Variants in RANBP2 observed in about 807,000 individuals in gnomAD.
RANBP2 encodes the protein RAN binding protein 2.
In RANBP2, 57 loss-of-function variants were observed where a neutral mutation model predicts 303.6. The observed-to-expected ratio is 0.19, with a 90% CI of 0.15 to 0.23. RANBP2 has a LOEUF of 0.23. Among genes scored for constraint, RANBP2 ranks in the 10% least tolerant of loss-of-function variants. The probability of loss-of-function intolerance (pLI) is 1.00; values close to 1 mark genes in which losing one functional copy is unlikely to be tolerated. For synonymous variants in RANBP2, 1,167 were observed against 1,301.5 expected (o/e 0.90, Z 2.23); for missense variants, 3,138 against 3,780.8 (o/e 0.83, Z 4.46).
the RANBP2 span, among the ~76,000 whole-genome samples, chr2:109,295,200 G>A: frequency 2.6e-5 from 4 of 152,344 alleles, no homozygotes; most frequent in East Asian, 5.8e-4. Flanking sequence ...AGTGATGAGC[G>A]AGCTCATGGC....
the RANBP2 span, among the ~76,000 whole-genome samples, chr2:109,282,244 A>G: frequency 1.3e-5 from 2 of 152,112 alleles, no homozygotes; most frequent in Admixed American, 6.5e-5. Context: ...ACATTAATGT[A>G]GGGAGATATT....
the RANBP2 span, among the ~76,000 whole-genome samples, chr2:109,469,218 C>G: frequency 6.6e-6 from 1 of 152,228 alleles, no homozygotes; most frequent in Non-Finnish European, 1.5e-5. Context: ...GTGCGCTATC[C>G]CAGAATATTC....
chr2:109,140,648 T>C, the RANBP2 span, among the ~76,000 whole-genome samples: 2 of 152,220 alleles, frequency 1.3e-5, no homozygotes, highest in East Asian at 3.8e-4. Context: ...CCCAAAGTGC[T>C]GGGATTACAG....
chr2:108,722,753 G>T (rs971104554), intron 1 of RANBP2, among the ~76,000 whole-genome samples: 12 of 151,042 alleles, frequency 7.9e-5, no homozygotes, highest in African/African-American at 2.9e-4. Flanking sequence ...TGAGCCGGGC[G>T]TGGTGGCAGC....
chr2:109,219,507 T>G, the RANBP2 span, among the ~76,000 whole-genome samples: 1 of 151,794 alleles, frequency 6.6e-6, no homozygotes, highest in Non-Finnish European at 1.5e-5. Context: ...AAAAAAAAAG[T>G]AAAATTATCT....
At chr2:109,008,109 G>A in the RANBP2 span, among the ~76,000 whole-genome samples, 14 of 152,212 alleles carry the variant, frequency 9.2e-5, no homozygotes, top group African/African-American at 7.2e-5. Context: ...CACACGAAGA[G>A]TTGAGAGTTT....
At chr2:109,119,397 A>G in the RANBP2 span, among the ~76,000 whole-genome samples, 1 of 152,256 alleles carries the variant, frequency 6.6e-6, no homozygotes, top group African/African-American at 2.4e-5. Context: ...TTTCTAAAAT[A>G]CACATGAGTA....
the RANBP2 span, among the ~76,000 whole-genome samples, chr2:109,256,389 C>T: frequency 2.0e-5 from 3 of 152,178 alleles, no homozygotes; most frequent in Non-Finnish European, 2.9e-5. Context: ...ATATGAGCGG[C>T]AATGCGATGT....
the RANBP2 span, chr2:109,347,741 A>T: frequency 6.2e-7 from 1 of 1,613,968 alleles, no homozygotes; most frequent in South Asian, 1.1e-5. Flanking sequence ...GGTGACCTCA[A>T]GTTCAACAAG....
the RANBP2 span, among the ~76,000 whole-genome samples, chr2:109,160,446 A>C: frequency 6.6e-6 from 1 of 152,260 alleles, no homozygotes; most frequent in South Asian, 2.1e-4. Context: ...GCTTTCCAGC[A>C]ACAGGGTGGA....
chr2:109,348,600 C>T, the RANBP2 span, among the ~76,000 whole-genome samples: 12 of 152,160 alleles, frequency 7.9e-5, no homozygotes, highest in Non-Finnish European at 1.3e-4. Flanking sequence ...ACCAAGTGCT[C>T]GGCCAATAAG....
At chr2:109,132,143 G>T in the RANBP2 span, among the ~76,000 whole-genome samples, 1 of 152,072 alleles carries the variant, frequency 6.6e-6, no homozygotes, top group Admixed American at 6.6e-5. Flanking sequence ...TAATAGAGGG[G>T]CACTTATTTA....
At chr2:109,614,298 G>A in the RANBP2 span, 2 of 590,460 alleles carry the variant, frequency 3.4e-6, no homozygotes, top group East Asian at 4.2e-5. Flanking sequence ...GGCGCGGGGC[G>A]GGGGTGCGGG....
the RANBP2 span, among the ~76,000 whole-genome samples, chr2:109,100,374 A>G: frequency 2.6e-5 from 4 of 152,214 alleles, no homozygotes; most frequent in African/African-American, 9.6e-5. Flanking sequence ...CAATCTCCTT[A>G]TAAGAATCCA....
At chr2:109,620,938 C>T in the RANBP2 span, among the ~76,000 whole-genome samples, 13 of 152,150 alleles carry the variant, frequency 8.5e-5, no homozygotes, top group Non-Finnish European at 1.2e-4. Context: ...ATAGAACATT[C>T]AGCCTTTGGA....
chr2:109,411,325 C>T, the RANBP2 span, among the ~76,000 whole-genome samples: 1 of 152,234 alleles, frequency 6.6e-6, no homozygotes, highest in African/African-American at 2.4e-5. Flanking sequence ...GGAGAGGCCC[C>T]TTTCCCTGCA....
At chr2:109,622,464 G>C in the RANBP2 span, among the ~76,000 whole-genome samples, 3 of 152,330 alleles carry the variant, frequency 2.0e-5, no homozygotes, top group South Asian at 6.2e-4. Context: ...TAATGATTGA[G>C]ACAGATAATG....
the RANBP2 span, among the ~76,000 whole-genome samples, chr2:108,928,376 C>T: frequency 6.6e-6 from 1 of 152,182 alleles, no homozygotes; most frequent in Non-Finnish European, 1.5e-5. Context: ...TCTGCAACTC[C>T]TAGGACACTC....
the RANBP2 span, among the ~76,000 whole-genome samples, chr2:109,666,501 G>C: frequency 1.3e-5 from 2 of 152,170 alleles, no homozygotes; most frequent in African/African-American, 4.8e-5. Context: ...CAACGTTTCT[G>C]AGGCAGTTAA....
Sources: gnomAD v4.1 joint callset for allele counts (sites outside exome capture counted in the v4.1 genomes callset) on GRCh38, gnomAD v4.1.1 for gene constraint, MANE v1.5 for transcripts, NCBI Gene and HGNC (gene_info 2026-07-23, HGNC 2026-07-21) for gene names.